DIAPH3: variants seen among roughly 807,000 people sequenced by gnomAD.
The protein encoded by DIAPH3 is protein diaphanous homolog 3.
A neutral mutation model predicts 144.3 loss-of-function variants in DIAPH3; 117 were observed. The observed-to-expected ratio is 0.81, with a 90% CI of 0.70 to 0.95. The LOEUF is 0.95. Among genes scored for constraint, DIAPH3 ranks in the 40% least tolerant of loss-of-function variants. The pLI is 0.00. For synonymous variants in DIAPH3, 519 were observed against 488.9 expected (o/e 1.06, Z -0.81); for missense variants, 1,421 against 1,412.7 (o/e 1.01, Z -0.09).
At chr13:59,826,036 T>G (rs1360525992) in intron 24 of DIAPH3, among the ~76,000 whole-genome samples, 1 of 152,082 alleles carries the variant, frequency 6.6e-6, no homozygotes, top group Non-Finnish European at 1.5e-5. Context: ...TATCTCAAAA[T>G]AATAAGAGTT....
intron 5 of DIAPH3, among the ~76,000 whole-genome samples, chr13:60,028,765 A>G (rs1427987480): frequency 2.0e-5 from 3 of 152,310 alleles, no homozygotes; most frequent in Non-Finnish European, 4.4e-5. Flanking sequence ...AACATGTTAA[A>G]AAGGGATATT....
intron 9 of DIAPH3, among the ~76,000 whole-genome samples, chr13:59,996,916 T>A (rs753873101): frequency 1.3e-5 from 2 of 152,050 alleles, no homozygotes; most frequent in African/African-American, 4.8e-5. Context: ...TATGTGAATA[T>A]ATAGTACCTA....
At chr13:59,772,085 A>T (rs929671786) in intron 27 of DIAPH3, among the ~76,000 whole-genome samples, 2 of 152,088 alleles carry the variant, frequency 1.3e-5, no homozygotes, top group East Asian at 3.8e-4. Context: ...TCAATCTTAC[A>T]TTTCAATCAC....
At chr13:59,929,554 C>CTTTTTTTTTTTTTTTTT (rs1167902415) in intron 17 of DIAPH3, among the ~76,000 whole-genome samples, 2 of 56,088 alleles carry the variant, frequency 3.6e-5, no homozygotes, top group Admixed American at 2.0e-4. Flanking sequence ...AAATTTTGTT[C>CTTTTTTTTTTTTTTTTT]TTTTTTTTTT....
chr13:59,845,283 C>G (rs1025209083), intron 22 of DIAPH3, among the ~76,000 whole-genome samples: 1 of 152,066 alleles, frequency 6.6e-6, no homozygotes, highest in African/African-American at 2.4e-5. Flanking sequence ...ACCTCATGAT[C>G]TGCCTGCCTT....
At chr13:59,976,233 C>T (rs925573286) in intron 14 of DIAPH3, among the ~76,000 whole-genome samples, 4 of 151,964 alleles carry the variant, frequency 2.6e-5, no homozygotes, top group East Asian at 1.9e-4. Context: ...ATTCTAAAAA[C>T]GCTGACTTAC....
intron 27 of DIAPH3, among the ~76,000 whole-genome samples, chr13:59,739,774 A>G (rs560133964): frequency 2.5e-4 from 38 of 152,162 alleles, no homozygotes; most frequent in Non-Finnish European, 4.4e-4. Flanking sequence ...CTACTCAAAC[A>G]TAATGGAGGA....
At chr13:59,964,212 T>C (rs1811871522) in intron 17 of DIAPH3, among the ~76,000 whole-genome samples, 1 of 152,098 alleles carries the variant, frequency 6.6e-6, no homozygotes, top group Non-Finnish European at 1.5e-5. Flanking sequence ...AAGATTAAAA[T>C]ATCAAGGTCA....
chr13:59,814,254 A>G (rs2040648500), intron 24 of DIAPH3, among the ~76,000 whole-genome samples: 1 of 152,200 alleles, frequency 6.6e-6, no homozygotes, highest in Non-Finnish European at 1.5e-5. Context: ...TGGGTAATAA[A>G]AAGTGAAAAT....
At chr13:60,105,781 G>A (rs1379093543) in intron 3 of DIAPH3, among the ~76,000 whole-genome samples, 1 of 152,128 alleles carries the variant, frequency 6.6e-6, no homozygotes, top group East Asian at 1.9e-4. Flanking sequence ...AAGTAGATTT[G>A]TAAAGAATAC....
At chr13:59,873,555 A>G (rs1309030512) in intron 21 of DIAPH3, among the ~76,000 whole-genome samples, 1 of 151,824 alleles carries the variant, frequency 6.6e-6, no homozygotes, top group Non-Finnish European at 1.5e-5. Context: ...CCTTCAACTT[A>G]TTTCAGTTCC....
At chr13:59,915,027 T>C (rs1424490613) in intron 19 of DIAPH3, among the ~76,000 whole-genome samples, 2 of 152,146 alleles carry the variant, frequency 1.3e-5, no homozygotes, top group Non-Finnish European at 2.9e-5. Context: ...AAACCACATG[T>C]TCATTTAAAA....
chr13:59,740,308 T>G (rs2139041194), intron 27 of DIAPH3, among the ~76,000 whole-genome samples: 1 of 152,348 alleles, frequency 6.6e-6, no homozygotes, highest in East Asian at 1.9e-4. Flanking sequence ...TACCATATTA[T>G]ACCTATGAGA....
intron 4 of DIAPH3, among the ~76,000 whole-genome samples, chr13:60,066,584 T>C (rs117746887): frequency 0.017 from 2,558 of 152,294 alleles, 44 homozygotes; most frequent in Non-Finnish European, 0.021. Flanking sequence ...AAGGATATAT[T>C]GTGCTAGACT....
At chr13:60,108,879 GGGTGTGTGTGTTGGGGGGA>G (rs1320121170) in intron 3 of DIAPH3, among the ~76,000 whole-genome samples, 1 of 152,076 alleles carries the variant, frequency 6.6e-6, no homozygotes, top group Non-Finnish European at 1.5e-5. Flanking sequence ...TTTGGTGAGT[GGGTGTGTGTGTTGGGGGGA>G]GGTGTGTGTG....
chr13:60,125,554 T>C (rs1183370955), intron 2 of DIAPH3, among the ~76,000 whole-genome samples: 2 of 151,980 alleles, frequency 1.3e-5, no homozygotes, highest in African/African-American at 2.4e-5. Context: ...CCCCTAATTA[T>C]GTTTTTATAC....
intron 27 of DIAPH3, among the ~76,000 whole-genome samples, chr13:59,751,910 T>C (rs537420102): frequency 9.6e-4 from 147 of 152,332 alleles, no homozygotes; most frequent in African/African-American, 3.3e-3. Flanking sequence ...GTGCCACTCA[T>C]AGTCATGTAA....
At chr13:59,975,087 T>C (rs2050597580) in intron 14 of DIAPH3, among the ~76,000 whole-genome samples, 1 of 152,138 alleles carries the variant, frequency 6.6e-6, no homozygotes, top group African/African-American at 2.4e-5. Flanking sequence ...TAATAATTTA[T>C]ATATCCACTC....
At chr13:60,081,075 T>C (rs998441054) in intron 4 of DIAPH3, among the ~76,000 whole-genome samples, 3 of 151,928 alleles carry the variant, frequency 2.0e-5, no homozygotes, top group African/African-American at 7.3e-5. Flanking sequence ...TTGAAGTGAT[T>C]TCCTGCTGTG....
Sources: allele counts gnomAD v4.1 joint callset (sites outside exome capture counted in the v4.1 genomes callset), GRCh38; gene constraint gnomAD v4.1.1; transcripts MANE v1.5; gene names NCBI Gene and HGNC (gene_info 2026-07-23, HGNC 2026-07-21).